KAT6A: variants seen among roughly 807,000 people sequenced by gnomAD.
KAT6A encodes the protein histone acetyltransferase KAT6A.
KAT6A carries 9 observed loss-of-function variants against 198.4 expected under a neutral mutation model. The observed-to-expected ratio is 0.05, with a 90% CI of 0.03 to 0.08. The LOEUF (loss-of-function observed/expected upper bound fraction) is 0.08. Among genes scored for constraint, KAT6A ranks in the 10% least tolerant of loss-of-function variants. KAT6A has a pLI of 1.00. For missense variants in KAT6A, 2,077 were observed against 2,509.9 expected, an observed-to-expected ratio of 0.83 and a Z score of 3.69; for synonymous variants, 890 against 883.0, an observed-to-expected ratio of 1.01 and a Z score of -0.14.
intron 8 of KAT6A, among the ~76,000 whole-genome samples, chr8:41,967,306 T>TATTTATTTATTTA (rs1564028511): frequency 6.7e-6 from 1 of 148,384 alleles, no homozygotes; most frequent in African/African-American, 2.5e-5. Flanking sequence ...TTTATTTATT[T>TATTTATTTATTTA]TTATTATACT....
chr8:41,977,863 C>T (rs1824138305), intron 6 of KAT6A, among the ~76,000 whole-genome samples: 1 of 152,190 alleles, frequency 6.6e-6, no homozygotes, highest in South Asian at 2.1e-4. Context: ...TGGTTCTGTA[C>T]ATTTCAGGCT....
intron 2 of KAT6A, among the ~76,000 whole-genome samples, chr8:42,015,272 G>T (rs905185505): frequency 1.3e-5 from 2 of 152,322 alleles, no homozygotes; most frequent in East Asian, 3.9e-4. Flanking sequence ...GCAATCTATA[G>T]CCAGATCCCT....
In KAT6A at chr8:42,048,458, T is replaced by C. The variant is rs751882106; in HGVS notation, c.520A>G (p.Thr174Ala). ...GPLYRLNTKA[T>A]NVDGKESCES... ...CAACTCTCTTTCCCATCCACGTTGG[T>C]TGCTTTAGTGTTGAGCCGATAAAGA... The change falls in exon 2 of 17, where the codon ACC becomes GCC. Residue 174 changes from threonine to alanine, a missense_variant. This residue lies in a region of KAT6A where 185 missense variants were observed against 185.7 expected (regional missense o/e 1.00). Transcript: ENST00000265713. 122 of 1,614,074 alleles carry C rather than the reference T, an allele frequency of 7.6e-5. No homozygotes were observed. Among genetic ancestry groups the C allele is most frequent in the Non-Finnish European group, 1.0e-4 (119 of 1,180,020 alleles).
At chr8:42,010,295 T>C (rs1205735044) in intron 2 of KAT6A, among the ~76,000 whole-genome samples, 1 of 152,036 alleles carries the variant, frequency 6.6e-6, no homozygotes, top group Non-Finnish European at 1.5e-5. Flanking sequence ...ACTGGTATTG[T>C]CAATACCATC....
chr8:41,946,665 T>C lies in KAT6A; in HGVS notation c.1922A>G (p.Lys641Arg). Residue 641 changes from lysine to arginine, a missense_variant, in exon 12 of 17, where the codon AAG becomes AGG. By Grantham distance (26) the Lys-to-Arg change is conservative (BLOSUM62 2). This residue lies in a region of KAT6A where 127 missense variants were observed against 209.6 expected (regional missense o/e 0.61). Transcript: ENST00000265713. ...AATCATTATACAGGAAACATTGTACTTCTGTTGGCAGTGCTTTTCCTGGTG... is the reference window on the plus strand; with the variant it reads ...AATCATTATACAGGAAACATTGTACCTCTGTTGGCAGTGCTTTTCCTGGTG... ...YFSKEKHCQQ[K>R]YNVSCIMILP... 1 of 1,604,996 alleles carries C rather than the reference T, an allele frequency of 6.2e-7. No individual in the cohort carries two copies. Among genetic ancestry groups the C allele is most frequent in the Non-Finnish European group, 8.5e-7 (1 of 1,171,814 alleles).
chr8:42,016,517 A>G (rs1826277726), intron 2 of KAT6A, among the ~76,000 whole-genome samples: 1 of 152,242 alleles, frequency 6.6e-6, no homozygotes, highest in Admixed American at 6.5e-5. Flanking sequence ...TGAAGTACAC[A>G]AAACACTTAA....
chr8:41,998,065 T>G (rs1380366417), intron 2 of KAT6A, among the ~76,000 whole-genome samples: 1 of 152,236 alleles, frequency 6.6e-6, no homozygotes, highest in African/African-American at 2.4e-5. Context: ...CAATACACAG[T>G]AAGAAGTCTA....
intron 2 of KAT6A, among the ~76,000 whole-genome samples, chr8:42,013,562 C>T (rs893029863): frequency 1.3e-5 from 2 of 152,252 alleles, no homozygotes. Flanking sequence ...ATTACAAATG[C>T]TCATGCACAC....
At chr8:41,996,653 C>G (rs1825221694) in intron 2 of KAT6A, among the ~76,000 whole-genome samples, 1 of 152,160 alleles carries the variant, frequency 6.6e-6, no homozygotes, top group African/African-American at 2.4e-5. Context: ...GCCCCCTTTT[C>G]CTCTCTGTCT....
At chr8:42,043,539 A>C (rs1251321847) in intron 2 of KAT6A, 2 of 152,204 alleles carry the variant, frequency 1.3e-5, no homozygotes, top group Non-Finnish European at 2.9e-5. Flanking sequence ...GATTACTCCT[A>C]ATCTTTGGTT....
Position 41,931,028 on chromosome 8 carries a change from C to T in KAT6A, c.*1177G>A, listed in dbSNP as rs759393401. 1 of 215,732 alleles carries T rather than the reference C, an allele frequency of 4.6e-6. No homozygotes were observed. Among genetic ancestry groups the T allele is most frequent in the Non-Finnish European group, 9.3e-6 (1 of 107,100 alleles). 13.4% of individuals were successfully genotyped at this position (215,732 alleles called of 1,614,324 possible). A position where few individuals can be genotyped will look rare whatever the true frequency, so the allele number is the denominator to read the frequency against. ...CACTTAAATAGCTACGAAACTCACA[C>T]CGTGATCTCCCTTCTGACACACATC... On this transcript the variant is annotated 3_prime_UTR_variant, in exon 17 of 17. Coordinates refer to ENST00000265713, the MANE Select transcript of KAT6A (RefSeq NM_006766.5).
Position 42,048,629 on chromosome 8 carries a change from T to G in KAT6A, c.349A>C (p.Thr117Pro), listed in dbSNP as rs1205123873. 6.2e-7 allele frequency: 1 copy of G among 1,614,202 alleles called. No individual in the cohort carries two copies. The highest frequency in any genetic ancestry group is 1.7e-5 in the Admixed American group (1 of 60,024). ...VEGLAESGGS[T>P]LKSIERFLKG... is the part of the protein sequence containing the mutation. ...AAAAAACGTTCAATGCTTTTCAAAG[T>G]TGAGCCACCAGACTCTGCCAAGCCC... is the stretch of plus-strand genomic sequence containing the variant. The change falls in exon 2 of 17, where the codon ACT (threonine) becomes CCT (proline). Residue 117 changes from threonine (T) to proline (P), a missense_variant. By Grantham distance (38) the Thr-to-Pro change is conservative. Around this residue, in one of 13 missense-constraint regions of KAT6A, gnomAD observed 185 missense variants for 185.7 expected, o/e 1.00. Transcript: ENST00000265713.
In KAT6A at chr8:41,941,437, T is replaced by C. The variant is rs1237194366; in HGVS notation, c.2444A>G (p.Lys815Arg). ...TTCTTTGTTCTCATGAGACACAGAC[T>C]TTCCCACCTGATTTTAGAAAATAAA... is the stretch of plus-strand genomic sequence containing the variant. The part of the protein sequence containing the change: ...QERELEISVG[K>R]SVSHENKEQD... Residue 815 changes from lysine to arginine, a missense_variant, in exon 15 of 17, where the codon AAG becomes AGG. Transcript: ENST00000265713. 11 of 1,580,368 alleles carry C rather than the reference T, an allele frequency of 7.0e-6. No homozygotes were observed. The East Asian group carries it at 1.1e-4, about 16-fold the overall frequency.
intron 7 of KAT6A, 85 bp downstream of exon 7, chr8:41,976,923 T>C (rs1012844237): frequency 4.5e-6 from 5 of 1,122,528 alleles, no homozygotes; most frequent in African/African-American, 3.1e-5. Context: ...TAATCAAATA[T>C]AAATCCATTA....
intron 2 of KAT6A, among the ~76,000 whole-genome samples, chr8:42,012,016 A>C (rs1437189839): frequency 2.0e-5 from 3 of 152,236 alleles, no homozygotes; most frequent in Non-Finnish European, 4.4e-5. Flanking sequence ...AAGATGCTTC[A>C]CACAACCAAT....
At chr8:42,046,393 G>A (rs1026245396) in intron 2 of KAT6A, among the ~76,000 whole-genome samples, 17 of 152,026 alleles carry the variant, frequency 1.1e-4, no homozygotes, top group Middle Eastern at 3.4e-3. Flanking sequence ...AAAATTAGCC[G>A]GGCGTGGTGG....
intron 8 of KAT6A, among the ~76,000 whole-genome samples, chr8:41,970,198 A>G (rs1823716612): frequency 1.3e-5 from 2 of 152,184 alleles, no homozygotes; most frequent in South Asian, 4.1e-4. Flanking sequence ...CATGATGCTA[A>G]ATGAATAAGC....
intron 2 of KAT6A, among the ~76,000 whole-genome samples, chr8:42,043,123 T>C (rs534917892): frequency 2.0e-5 from 3 of 152,360 alleles, no homozygotes; most frequent in Admixed American, 2.0e-4. Flanking sequence ...TTTGTATCTC[T>C]ATTCTGTCTG....
chr8:41,979,731 T>A (rs1296201677), intron 5 of KAT6A, among the ~76,000 whole-genome samples: 1 of 152,244 alleles, frequency 6.6e-6, no homozygotes, highest in Non-Finnish European at 1.5e-5. Context: ...CTGGGCGCGG[T>A]GGCTCATGCC....
Sources: gnomAD v4.1 joint callset for allele counts (sites outside exome capture counted in the v4.1 genomes callset) on GRCh38, gnomAD v4.1.1 for gene constraint, gnomAD v4.1.1 regional missense constraint, MANE v1.5 for transcripts, NCBI Gene and HGNC (gene_info 2026-07-23, HGNC 2026-07-21) for gene names.